Variants in XAF1 observed in about 807,000 individuals in gnomAD.
XAF1 encodes XIAP-associated factor 1.
XAF1 carries 32 observed loss-of-function variants against 32.3 expected under a neutral mutation model. The observed-to-expected ratio is 0.99, with a 90% CI of 0.75 to 1.33. XAF1 has a LOEUF of 1.33. Among genes scored for constraint, XAF1 ranks in the 40% most tolerant of loss-of-function variants. The pLI is 0.00. For missense variants in XAF1, 379 were observed against 366.0 expected (o/e 1.04, Z -0.29); for synonymous variants, 120 against 125.9 (o/e 0.95, Z 0.31).
rs777645157 is a variant in XAF1, at chr17:6,770,971, T to G, written c.836T>G (p.Leu279Arg). The G allele has an allele frequency of 1.2e-6, 2 of 1,614,098 alleles. No homozygotes were observed. The highest frequency in any genetic ancestry group is 3.3e-5 in the Admixed American group (2 of 60,012). Reference protein sequence around the residue: ...QCGILLPLPILNQHQEKCRWL... With the variant: ...QCGILLPLPIRNQHQEKCRWL... Reference sequence around the variant, plus strand: ...GGCATCCTGCTTCCCCTGCCGATCCTAAATCAACATCAGGTACTCAGCCTC... The same window carrying G: ...GGCATCCTGCTTCCCCTGCCGATCCGAAATCAACATCAGGTACTCAGCCTC... The change falls in exon 6 of 7, where the codon CTA becomes CGA. Residue 279 changes from leucine to arginine, a missense_variant. Physicochemically the swap from Leu to Arg is moderately radical, Grantham distance 102. Coordinates refer to ENST00000361842, the MANE Select transcript of XAF1 (RefSeq NM_017523.5).
At chr17:6,755,528 C>T (rs1253483001), upstream of XAF1, 3 of 993,100 alleles carry the variant, frequency 3.0e-6, no homozygotes. Context: ...AGGATACACA[C>T]CAGATTGGGT....
At chr17:6,761,326 G>A (rs998861170) in intron 4 of XAF1, among the ~76,000 whole-genome samples, 5 of 152,166 alleles carry the variant, frequency 3.3e-5, no homozygotes, top group South Asian at 4.1e-4. Context: ...CTGGACTCCC[G>A]CACTTCCTGG....
At chr17:6,763,373 G>A (rs1025572074) in intron 5 of XAF1, among the ~76,000 whole-genome samples, 2 of 152,098 alleles carry the variant, frequency 1.3e-5, no homozygotes, top group African/African-American at 4.8e-5. Context: ...TGTTGCCCAG[G>A]CTGGAGTGCA....
At chr17:6,771,069 C>A in intron 6 of XAF1, 85 bp downstream of exon 6, 1 of 1,477,676 alleles carries the variant, frequency 6.8e-7, no homozygotes, top group Non-Finnish European at 9.2e-7. Flanking sequence ...AAGATGTTCA[C>A]AAATGTTGTG....
intron 1 of XAF1, chr17:6,756,386 T>C (rs1348234671): frequency 1.6e-5 from 15 of 918,956 alleles, no homozygotes; most frequent in Non-Finnish European, 2.0e-5. Flanking sequence ...CGGCCAGTGG[T>C]CCCAACTGGG....
At chr17:6,761,109 G>A (rs1379803346) in intron 4 of XAF1, among the ~76,000 whole-genome samples, 5 of 151,988 alleles carry the variant, frequency 3.3e-5, no homozygotes, top group African/African-American at 4.8e-5. Flanking sequence ...AGTCGAGATC[G>A]TGCCATTGCA....
intron 1 of XAF1, among the ~76,000 whole-genome samples, chr17:6,757,022 G>A (rs1282755806): frequency 3.4e-5 from 5 of 144,996 alleles, no homozygotes; most frequent in Non-Finnish European, 6.0e-5. Context: ...ATGGAGTTTC[G>A]CTTCTTTTTG....
intron 5 of XAF1, among the ~76,000 whole-genome samples, chr17:6,766,847 TGCCCCAGGCTTGATGATTA>T (rs1365548077): frequency 6.6e-6 from 1 of 152,242 alleles, no homozygotes; most frequent in Non-Finnish European, 1.5e-5. Flanking sequence ...GAGCATGTTA[TGCCCCAGGCTTGATGATTA>T]GCTGTTGGTC....
chr17:6,759,433 TACTC>T lies in XAF1; in HGVS notation c.169-227_169-224del. ...GGCCCCTGATCTGTCTCTCTGGAGATACTCAAGCTCAGGCAGCCGTTGCCAACTC... is the reference window on the plus strand; with the variant it reads ...GGCCCCTGATCTGTCTCTCTGGAGATAAGCTCAGGCAGCCGTTGCCAACTC... On this transcript the variant is annotated intron_variant, in intron 2 of 6. Coordinates refer to ENST00000361842, the MANE Select transcript of XAF1 (RefSeq NM_017523.5). The T allele has an allele frequency of 2.1e-6, 3 of 1,416,870 alleles. 1 individual carries two copies. The African/African-American group carries it at 4.3e-5, about 20-fold the overall frequency. The allele number at this position is 1,416,870 out of a possible 1,614,324, so 87.8% of individuals were successfully genotyped here.
At chr17:6,757,947 G>T in intron 1 of XAF1, 142 bp from the exon 2 acceptor site, 3 of 1,129,220 alleles carry the variant, frequency 2.7e-6, no homozygotes, top group Non-Finnish European at 3.9e-6. Flanking sequence ...CACACAGGGA[G>T]TGTGGGGCAG....
At chr17:6,756,398 T>TCCCA in intron 1 of XAF1, 2 of 782,354 alleles carry the variant, frequency 2.6e-6, no homozygotes, top group African/African-American at 1.8e-5. Flanking sequence ...CCAACTGGGC[T>TCCCA]ACTCATACTT....
At position 6,770,552 on chromosome 17, in the gene XAF1, T is replaced by C; in HGVS notation, c.508-91T>C. On this transcript the variant is annotated intron_variant, in intron 5 of 6. Coordinates refer to ENST00000361842, the MANE Select transcript of XAF1 (RefSeq NM_017523.5). ...ATACACCATATAAAAGTGTTTACAG[T>C]GGGAATTTCTTGTGTTATCTAGTCT... The C allele has an allele frequency of 3.8e-6, 4 of 1,063,586 alleles. No homozygotes were observed. In the Middle Eastern group the frequency reaches 8.5e-4, roughly 226 times the overall value. The allele number at this position is 1,063,586 out of a possible 1,614,324, so 65.9% of individuals were successfully genotyped here. A position where few individuals can be genotyped will look rare whatever the true frequency, so the allele number is the denominator to read the frequency against.
intron 3 of XAF1, 40 bp from the exon 4 acceptor site, chr17:6,760,366 A>AT: frequency 6.7e-7 from 1 of 1,499,956 alleles, no homozygotes; most frequent in East Asian, 2.4e-5. Context: ...AAAAAAAAAA[A>AT]AAGGGCCAGT....
At chr17:6,755,958 C>A, upstream of XAF1, 1 of 1,582,916 alleles carries the variant, frequency 6.3e-7, no homozygotes, top group South Asian at 1.1e-5. Context: ...ACTCCTGAGC[C>A]GAGAATTCTG....
At position 6,774,359 on chromosome 17, in the gene XAF1, A is replaced by G. The variant is rs2151567970; in HGVS notation, c.*1190A>G. 2.0e-5 allele frequency: 3 copies of G among 152,372 alleles called. 1 individual carries two copies. In the Middle Eastern group the frequency reaches 0.01, roughly 518 times the overall value. The allele number at this position is 152,372 out of a possible 1,614,324, so 9.4% of individuals were successfully genotyped here. ...GTAAGTGGTACTGGGATAACTAGCT[A>G]GCCATATGCAGAGGATTGAAACTGA... is the stretch of plus-strand genomic sequence containing the variant. On this transcript the variant is annotated 3_prime_UTR_variant, in exon 7 of 7. Transcript: ENST00000361842.
chr17:6,767,410 T>A (rs770380965), intron 5 of XAF1, among the ~76,000 whole-genome samples: 10 of 152,184 alleles, frequency 6.6e-5, no homozygotes, highest in Non-Finnish European at 1.5e-4. Flanking sequence ...AGCAAAGGAA[T>A]GGCAGTTAGG....
intron 6 of XAF1, 68 bp from the exon 7 acceptor site, chr17:6,773,045 A>C: frequency 3.6e-5 from 48 of 1,328,226 alleles, no homozygotes; most frequent in Non-Finnish European, 4.8e-5. Context: ...AGCAATATCC[A>C]GAGATATTCT....
intron 1 of XAF1, among the ~76,000 whole-genome samples, chr17:6,757,017 G>A (rs1974735811): frequency 6.8e-6 from 1 of 147,560 alleles, no homozygotes; most frequent in South Asian, 2.1e-4. Flanking sequence ...TTAAGATGGA[G>A]TTTCGCTTCT....
At chr17:6,761,439 T>G (rs1975198901) in intron 4 of XAF1, among the ~76,000 whole-genome samples, 1 of 152,248 alleles carries the variant, frequency 6.6e-6, no homozygotes, top group Non-Finnish European at 1.5e-5. Context: ...TACCATTTTA[T>G]GTTCACTTGA....
Sources: gnomAD v4.1 joint callset for allele counts (sites outside exome capture counted in the v4.1 genomes callset) on GRCh38, gnomAD v4.1.1 for gene constraint, MANE v1.5 for transcripts, NCBI Gene and HGNC (gene_info 2026-07-23, HGNC 2026-07-21) for gene names.